Variants in SLC2A2 observed in about 807,000 individuals in gnomAD.
SLC2A2 encodes solute carrier family 2, facilitated glucose transporter member 2.
Under a neutral mutation model 54.5 loss-of-function variants are expected in SLC2A2, and 36 were observed. The observed-to-expected ratio is 0.66, with a 90% CI of 0.51 to 0.87. The LOEUF (loss-of-function observed/expected upper bound fraction) is 0.87. Ranked by LOEUF, SLC2A2 falls within the 40% of genes least tolerant of loss-of-function variation. SLC2A2 has a pLI of 0.00. For synonymous variants in SLC2A2, 223 were observed against 219.1 expected, an observed-to-expected ratio of 1.02 and a Z score of -0.16; for missense variants, 543 against 624.3, an observed-to-expected ratio of 0.87 and a Z score of 1.39.
intron 1 of SLC2A2, among the ~76,000 whole-genome samples, chr3:171,019,154 T>TAC (rs1553788544): frequency 4.4e-5 from 4 of 90,234 alleles, no homozygotes; most frequent in East Asian, 3.1e-4. Flanking sequence ...TATATATATA[T>TAC]ACGTATGTAT....
chr3:170,999,407 GT>G (rs1327313352), intron 8 of SLC2A2, among the ~76,000 whole-genome samples: 1 of 151,992 alleles, frequency 6.6e-6, no homozygotes, highest in Non-Finnish European at 1.5e-5. Flanking sequence ...AGTCACATTG[GT>G]TTGAATAGAC....
intron 3 of SLC2A2, among the ~76,000 whole-genome samples, chr3:171,013,844 G>T (rs1247784061): frequency 6.6e-6 from 1 of 152,194 alleles, no homozygotes; most frequent in Non-Finnish European, 1.5e-5. Context: ...TAAAATTTGA[G>T]GGTAAAGGAG....
chr3:171,025,917 C>T (rs139644683), intron 1 of SLC2A2, among the ~76,000 whole-genome samples: 4 of 152,236 alleles, frequency 2.6e-5, no homozygotes, highest in African/African-American at 7.2e-5. Flanking sequence ...CCATAACCTT[C>T]GCCTTTATTC....
At chr3:171,021,650 G>C (rs1321909644) in intron 1 of SLC2A2, among the ~76,000 whole-genome samples, 1 of 152,142 alleles carries the variant, frequency 6.6e-6, no homozygotes, top group East Asian at 1.9e-4. Context: ...GGGAAGTCTG[G>C]TATAAGTATC....
intron 2 of SLC2A2, among the ~76,000 whole-genome samples, chr3:171,015,997 A>G (rs1206199942): frequency 1.3e-5 from 2 of 152,146 alleles, no homozygotes; most frequent in Admixed American, 1.3e-4. Flanking sequence ...ACTATTTAGC[A>G]TCAGTGAGCT....
intron 2 of SLC2A2, among the ~76,000 whole-genome samples, chr3:171,017,507 C>T (rs149731176): frequency 6.6e-6 from 1 of 152,310 alleles, no homozygotes; most frequent in East Asian, 1.9e-4. Context: ...GCTCAATGTT[C>T]TAAAAGAAGC....
At chr3:171,002,724 C>A (rs1166906594) in intron 7 of SLC2A2, 44 bp from the exon 8 acceptor site, 2 of 1,059,460 alleles carry the variant, frequency 1.9e-6, no homozygotes, top group African/African-American at 1.6e-5. Context: ...AGAAGTCTGG[C>A]ACTGATATCT....
intron 2 of SLC2A2, among the ~76,000 whole-genome samples, chr3:171,015,038 T>C (rs931834232): frequency 2.6e-5 from 4 of 152,194 alleles, no homozygotes; most frequent in Non-Finnish European, 5.9e-5. Context: ...ATTGTGGAAC[T>C]AGAGGAGCAA....
chr3:171,007,198 G>A lies in SLC2A2; in HGVS notation c.562C>T (p.Leu188Phe), dbSNP rs748052042. 1 of 1,612,806 alleles carries A rather than the reference G, an allele frequency of 6.2e-7. No individual in the cohort carries two copies. The highest frequency in any genetic ancestry group is 8.5e-7 in the Non-Finnish European group (1 of 1,179,188). ...ATGGCCAGCTGATGAAAAGTGCCAA[G>A]TGCTCCCCTGAGAGCGGTTGGAGCA... ...EIAPTALRGA[L>F]GTFHQLAIVT... The change falls in exon 5 of 11, where the codon CTT becomes TTT. Residue 188 changes from leucine to phenylalanine, a missense_variant. By Grantham distance (22) the Leu-to-Phe change is conservative (BLOSUM62 0). Transcript: ENST00000314251.
At chr3:170,999,873 T>G (rs565175137) in intron 8 of SLC2A2, among the ~76,000 whole-genome samples, 1 of 152,234 alleles carries the variant, frequency 6.6e-6, no homozygotes, top group East Asian at 1.9e-4. Context: ...CGTCATTGAT[T>G]CCTTTAGTTT....
At position 171,000,527 on chromosome 3, in the gene SLC2A2, C is replaced by T. The variant is rs114963332; in HGVS notation, c.1069-1361G>A. Among the ~76,000 whole-genome samples, 980 of 152,180 alleles carry T rather than the reference C, an allele frequency of 6.4e-3. 18 individuals are homozygous for T. Among genetic ancestry groups the T allele is most frequent in the African/African-American group, 0.021 (893 of 41,542 alleles). The stretch of plus-strand genomic sequence containing the variant: ...GAGATGTCTTCCCAATTAGAACGCT[C>T]ATCTTTGCCCCAGGGCCTCACGCAA... On this transcript the variant is annotated intron_variant, in intron 8 of 10. Coordinates refer to ENST00000314251, the MANE Select transcript of SLC2A2 (RefSeq NM_000340.2).
chr3:171,005,237 T>G (rs758241210), intron 7 of SLC2A2, 48 bp downstream of exon 7: 4 of 1,532,920 alleles, frequency 2.6e-6, no homozygotes, highest in Middle Eastern at 1.7e-4. Flanking sequence ...GCCTTCCCTA[T>G]TTTAATTCAC....
intron 4 of SLC2A2, among the ~76,000 whole-genome samples, chr3:171,007,908 A>C (rs1468646970): frequency 6.6e-6 from 1 of 152,080 alleles, no homozygotes; most frequent in Non-Finnish European, 1.5e-5. Context: ...CTTCGAAAAA[A>C]TTTTATTTGA....
chr3:171,001,111 A>T (rs1310407415), intron 8 of SLC2A2, among the ~76,000 whole-genome samples: 1 of 152,040 alleles, frequency 6.6e-6, no homozygotes, highest in Non-Finnish European at 1.5e-5. Context: ...AACTCCTCCC[A>T]CATCAGTGGG....
chr3:171,012,262 T>C (rs978145739), intron 3 of SLC2A2, among the ~76,000 whole-genome samples: 26 of 152,218 alleles, frequency 1.7e-4, no homozygotes, highest in Admixed American at 6.6e-5. Context: ...GTTTTCACAT[T>C]GCAGATGGGA....
At position 170,998,011 on chromosome 3, in the gene SLC2A2, T is replaced by A. The variant is rs756099063; in HGVS notation, c.1467A>T (p.Gly489=). The part of the protein sequence containing the change: ...FTFFKVPETK[G]KSFEEIAAEF... ...CTGCAGCAATTTCCTCAAAAGACTT[T>A]CCTTTGGTTTCTGGAACTTTAAAAA... Residue 489 remains glycine (G), a synonymous_variant, in exon 11 of 11, where the codon GGA becomes GGT. Transcript: ENST00000314251. 4 of 1,613,650 alleles carry A rather than the reference T, an allele frequency of 2.5e-6. No homozygotes were observed. Among genetic ancestry groups the A allele is most frequent in the Admixed American group, 1.7e-5 (1 of 59,896 alleles).
intron 8 of SLC2A2, among the ~76,000 whole-genome samples, chr3:171,000,920 CAA>C (rs1715305586): frequency 6.6e-6 from 1 of 151,964 alleles, no homozygotes; most frequent in African/African-American, 2.4e-5. Flanking sequence ...AACTTTAAAA[CAA>C]TGTTTCAAAA....
intron 1 of SLC2A2, among the ~76,000 whole-genome samples, chr3:171,019,919 T>A (rs968296207): frequency 1.3e-5 from 2 of 151,976 alleles, no homozygotes; most frequent in African/African-American, 4.8e-5. Flanking sequence ...AGAAGGAGAG[T>A]GAAGGAAATT....
At chr3:171,002,842 C>T (rs1473897630) in intron 7 of SLC2A2, among the ~76,000 whole-genome samples, 162 bp from the exon 8 acceptor site, 1 of 152,050 alleles carries the variant, frequency 6.6e-6, no homozygotes, top group Admixed American at 6.6e-5. Flanking sequence ...AACCCTCAGT[C>T]TTCCTTTAGT....
Sources: allele counts gnomAD v4.1 joint callset (sites outside exome capture counted in the v4.1 genomes callset), GRCh38; gene constraint gnomAD v4.1.1; transcripts MANE v1.5; gene names NCBI Gene and HGNC (gene_info 2026-07-23, HGNC 2026-07-21).